The following NCK2 variants were observed in gnomAD, a reference collection of about 807,000 sequenced individuals.
NCK2 encodes cytoplasmic protein NCK2.
Under a neutral mutation model 33.9 loss-of-function variants are expected in NCK2, and 16 were observed. That is an observed-to-expected ratio of 0.47 (90% CI 0.32 to 0.72). NCK2 has a LOEUF of 0.72. Among genes scored for constraint, NCK2 ranks in the 30% least tolerant of loss-of-function variants. The pLI, the probability that NCK2 is intolerant of heterozygous loss-of-function variation, is 0.03. For synonymous variants in NCK2, 273 were observed against 239.9 expected (o/e 1.14, Z -1.27); for missense variants, 418 against 537.3 (o/e 0.78, Z 2.19).
At chr2:105,820,289 C>T (rs931389310) in intron 2 of NCK2, among the ~76,000 whole-genome samples, 2 of 152,186 alleles carry the variant, frequency 1.3e-5, no homozygotes, top group African/African-American at 4.8e-5. Flanking sequence ...ACAGGGAAAG[C>T]AACAGCTCGG....
At chr2:105,763,312 G>C (rs565360211) in intron 1 of NCK2, among the ~76,000 whole-genome samples, 1 of 152,152 alleles carries the variant, frequency 6.6e-6, no homozygotes, top group Non-Finnish European at 1.5e-5. Context: ...TCTGATGACC[G>C]AGCTGCTGGG....
chr2:105,752,737 C>T (rs910265293), intron 1 of NCK2, among the ~76,000 whole-genome samples: 1 of 152,200 alleles, frequency 6.6e-6, no homozygotes, highest in Non-Finnish European at 1.5e-5. Flanking sequence ...ATAATGGCCT[C>T]CAGTTCCATC....
intron 2 of NCK2, among the ~76,000 whole-genome samples, chr2:105,839,098 G>C (rs572064347): frequency 6.6e-6 from 1 of 152,244 alleles, no homozygotes; most frequent in South Asian, 2.1e-4. Flanking sequence ...TTGAATGGCG[G>C]CTTGAACAAA....
At chr2:105,840,758 G>C (rs1302348854) in intron 2 of NCK2, among the ~76,000 whole-genome samples, 1 of 152,200 alleles carries the variant, frequency 6.6e-6, no homozygotes, top group African/African-American at 2.4e-5. Context: ...TTTTGTAAGG[G>C]AAAATAAAAA....
intron 4 of NCK2, among the ~76,000 whole-genome samples, 175 bp from the exon 5 acceptor site, chr2:105,892,807 C>G (rs555825344): frequency 6.0e-5 from 9 of 149,028 alleles, no homozygotes; most frequent in South Asian, 2.1e-4. Context: ...GATTGGGCCA[C>G]TACACTACAG....
chr2:105,844,945 ATT>A (rs1676799323), intron 2 of NCK2, among the ~76,000 whole-genome samples: 1 of 151,984 alleles, frequency 6.6e-6, no homozygotes, highest in African/African-American at 2.4e-5. Context: ...AAATATTAGC[ATT>A]TATTGTTCCA....
chr2:105,837,920 G>T (rs1247647123), intron 2 of NCK2, among the ~76,000 whole-genome samples: 1 of 152,130 alleles, frequency 6.6e-6, no homozygotes, highest in Non-Finnish European at 1.5e-5. Context: ...TGAGTTATTG[G>T]TCTTTTTGTT....
chr2:105,800,574 A>G (rs1674789721), intron 1 of NCK2, among the ~76,000 whole-genome samples: 1 of 152,134 alleles, frequency 6.6e-6, no homozygotes, highest in Non-Finnish European at 1.5e-5. Flanking sequence ...GAAGGCGGAA[A>G]CCCAGCTGAC....
intron 1 of NCK2, among the ~76,000 whole-genome samples, chr2:105,807,530 C>A (rs1445624930): frequency 1.3e-5 from 2 of 152,006 alleles, no homozygotes; most frequent in African/African-American, 4.8e-5. Context: ...TCAATAGGGT[C>A]ACTTGGGGAC....
intron 2 of NCK2, among the ~76,000 whole-genome samples, chr2:105,824,035 G>A (rs1393380158): frequency 6.6e-6 from 1 of 152,104 alleles, no homozygotes; most frequent in Non-Finnish European, 1.5e-5. Context: ...TCCTCAGGTA[G>A]GCTCTCCCTT....
chr2:105,747,081 G>A (rs1031920972), intron 1 of NCK2, among the ~76,000 whole-genome samples: 3 of 152,274 alleles, frequency 2.0e-5, no homozygotes, highest in Admixed American at 6.5e-5. Context: ...TAACCGTCGG[G>A]CTTGCTGAAG....
chr2:105,825,903 C>T (rs948759280), intron 2 of NCK2, among the ~76,000 whole-genome samples: 101 of 152,278 alleles, frequency 6.6e-4, no homozygotes, highest in African/African-American at 2.2e-3. Context: ...GGTGATCCGT[C>T]AGGTTTGGAG....
At chr2:105,779,078 A>G (rs944844244) in intron 1 of NCK2, among the ~76,000 whole-genome samples, 1 of 152,166 alleles carries the variant, frequency 6.6e-6, no homozygotes, top group African/African-American at 2.4e-5. Context: ...AGGCTGAGGC[A>G]GGTGGATCAC....
At chr2:105,765,682 C>A (rs1191478392) in intron 1 of NCK2, among the ~76,000 whole-genome samples, 1 of 149,702 alleles carries the variant, frequency 6.7e-6, no homozygotes, top group African/African-American at 2.5e-5. Flanking sequence ...TTTTTAATTA[C>A]TAATATGTTC....
intron 1 of NCK2, among the ~76,000 whole-genome samples, chr2:105,748,540 T>G (rs1434785030): frequency 6.6e-6 from 1 of 152,182 alleles, no homozygotes; most frequent in South Asian, 2.1e-4. Context: ...TAGCTGGGAC[T>G]ACGGGTGTGC....
At chr2:105,771,852 C>T (rs544051381) in intron 1 of NCK2, among the ~76,000 whole-genome samples, 1 of 152,306 alleles carries the variant, frequency 6.6e-6, no homozygotes, top group South Asian at 2.1e-4. Context: ...CTTTGTGAGG[C>T]CTGCCCATCA....
At chr2:105,834,609 T>C (rs888114524) in intron 2 of NCK2, among the ~76,000 whole-genome samples, 5 of 151,974 alleles carry the variant, frequency 3.3e-5, no homozygotes, top group African/African-American at 9.7e-5. Context: ...CTGTCCAGTC[T>C]ATATCTTTTA....
intron 1 of NCK2, among the ~76,000 whole-genome samples, chr2:105,801,635 G>A (rs1222621793): frequency 2.0e-5 from 3 of 151,782 alleles, no homozygotes; most frequent in Non-Finnish European, 4.4e-5. Flanking sequence ...CCTCCTGCTT[G>A]GCTTCTTACC....
At position 105,839,400 on chromosome 2, in the gene NCK2, A is replaced by T. The variant is rs1193856137; in HGVS notation, c.-16-15648A>T. ...GTCTGGAGTGAAGTGCATGGGAGAG[A>T]AGGGGTGGATCTGAGGCATATTTTG... On this transcript the variant is annotated intron_variant, in intron 2 of 4. Coordinates refer to ENST00000233154, the MANE Select transcript of NCK2 (RefSeq NM_003581.5). 6.6e-5 allele frequency among the ~76,000 whole-genome samples: 10 copies of T among 152,038 alleles called. No homozygotes were observed. In the South Asian group the frequency reaches 8.3e-4, roughly 13 times the overall value.
Sources: gnomAD v4.1 joint callset for allele counts (sites outside exome capture counted in the v4.1 genomes callset) on GRCh38, gnomAD v4.1.1 for gene constraint, MANE v1.5 for transcripts, NCBI Gene and HGNC (gene_info 2026-07-23, HGNC 2026-07-21) for gene names.